SPATC1: variants seen among roughly 807,000 people sequenced by gnomAD.
SPATC1 encodes the protein speriolin.
Under a neutral mutation model 36.5 loss-of-function variants are expected in SPATC1, and 35 were observed. The observed-to-expected ratio is 0.96, with a 90% CI of 0.73 to 1.27. The LOEUF (loss-of-function observed/expected upper bound fraction) is 1.27, where lower values mean the gene tolerates loss of function less well. Among genes scored for constraint, SPATC1 ranks in the 50% most tolerant of loss-of-function variants. The probability of loss-of-function intolerance (pLI) is 0.00; values close to 1 mark genes in which losing one functional copy is unlikely to be tolerated. For synonymous variants in SPATC1, 361 were observed against 353.6 expected (o/e 1.02, Z -0.24); for missense variants, 779 against 796.0 (o/e 0.98, Z 0.26).
intron 1 of SPATC1, among the ~76,000 whole-genome samples, chr8:144,033,395 G>A (rs1336587102): frequency 0.053 from 7,957 of 150,304 alleles, 287 homozygotes; most frequent in Non-Finnish European, 0.078. Context: ...GCGAGACTCC[G>A]TCTCAAAAAA....
chr8:144,031,781 T>C (rs2133127438), intron 1 of SPATC1, among the ~76,000 whole-genome samples: 1 of 149,908 alleles, frequency 6.7e-6, no homozygotes, highest in Non-Finnish European at 1.5e-5. Context: ...TGTAGCGGCA[T>C]GATCTTGGCT....
Position 144,045,975 on chromosome 8 carries a change from AC to A in SPATC1, c.1447-651del, listed in dbSNP as rs1386815985. The stretch of plus-strand genomic sequence containing the variant: ...ACAGGGCATGAGGAAGTGAGTGGAA[AC>A]TGACCCAGATGTGCTGGTTCCCAGG... On this transcript the variant is annotated intron_variant, in intron 4 of 4. Coordinates refer to ENST00000377470, the MANE Select transcript of SPATC1 (RefSeq NM_198572.3). The surrounding 1 kb of genome is among the most constrained non-coding windows in gnomAD (Gnocchi z 5.2). Among the ~76,000 whole-genome samples, 1 of 152,100 alleles carries A rather than the reference AC, an allele frequency of 6.6e-6. No homozygotes were observed. Among genetic ancestry groups the A allele is most frequent in the Non-Finnish European group, 1.5e-5 (1 of 67,988 alleles).
At chr8:144,013,817 A>G (rs1564265111) in intron 1 of SPATC1, among the ~76,000 whole-genome samples, 2 of 152,102 alleles carry the variant, frequency 1.3e-5, no homozygotes, top group Admixed American at 6.5e-5. Context: ...TCTTCTGGAC[A>G]TGGTGGTTCA....
At chr8:144,044,718 G>A (rs1022385045) in intron 4 of SPATC1, among the ~76,000 whole-genome samples, 8 of 151,706 alleles carry the variant, frequency 5.3e-5, no homozygotes, top group Admixed American at 1.3e-4. Flanking sequence ...AGGCCGAGGC[G>A]GGCAGATCAC....
At position 144,046,736 on chromosome 8, in the gene SPATC1, G is replaced by T; in HGVS notation, c.1556G>T (p.Arg519Leu). Residue 519 changes from arginine (R) to leucine (L), a missense_variant, in exon 5 of 5, where the codon CGG becomes CTG. Coordinates refer to ENST00000377470, the MANE Select transcript of SPATC1 (RefSeq NM_198572.3). The surrounding 1 kb of genome is among the most constrained non-coding windows in gnomAD (Gnocchi z 6.6). ...NRLQSLGYNG[R>L]VHPALTEQLV... is the part of the protein sequence containing the mutation. ...CTGCAGAGTCTGGGCTACAACGGGC[G>T]GGTGCACCCTGCGCTGACCGAGCAG... The T allele has an allele frequency of 6.2e-7, 1 of 1,612,336 alleles. No individual in the cohort carries two copies. Among genetic ancestry groups the T allele is most frequent in the Non-Finnish European group, 8.5e-7 (1 of 1,179,990 alleles).
chr8:144,017,650 G>A (rs1003210652), intron 1 of SPATC1, among the ~76,000 whole-genome samples: 12 of 152,166 alleles, frequency 7.9e-5, no homozygotes, highest in African/African-American at 2.4e-5. Flanking sequence ...ACTAGTACAA[G>A]AATTTCAAAT....
In SPATC1 at chr8:144,040,598, C is replaced by T; in HGVS notation, c.797C>T (p.Thr266Ile). Residue 266 changes from threonine (T) to isoleucine (I), a missense_variant, in exon 3 of 5, where the codon ACC (threonine) becomes ATC (isoleucine). By Grantham distance (89) the Thr-to-Ile change is moderately conservative. Coordinates refer to ENST00000377470, the MANE Select transcript of SPATC1 (RefSeq NM_198572.3). The stretch of plus-strand genomic sequence containing the variant: ...CTCTCCACTGAGCCCCCCCAGTCGA[C>T]CCAGGACCCAGAGCCTCTCAGCATG... ...VPLSTEPPQS[T>I]QDPEPLSMAF... 2.5e-6 allele frequency: 4 copies of T among 1,606,886 alleles called. No individual in the cohort carries two copies. Among genetic ancestry groups the T allele is most frequent in the South Asian group, 1.1e-5 (1 of 90,034 alleles).
chr8:144,039,131 A>G (rs1308118205), intron 1 of SPATC1, among the ~76,000 whole-genome samples: 3 of 152,196 alleles, frequency 2.0e-5, no homozygotes, highest in Admixed American at 6.5e-5. Context: ...GAAGTTCTCA[A>G]TGAAATTGCA....
intron 1 of SPATC1, among the ~76,000 whole-genome samples, chr8:144,020,456 C>T (rs1834486452): frequency 6.9e-6 from 1 of 144,210 alleles, no homozygotes; most frequent in African/African-American, 2.6e-5. Flanking sequence ...GACCACCTTC[C>T]CGCAGGACAC....
At chr8:144,035,185 A>C (rs1392640420) in intron 1 of SPATC1, among the ~76,000 whole-genome samples, 1 of 152,104 alleles carries the variant, frequency 6.6e-6, no homozygotes, top group African/African-American at 2.4e-5. Flanking sequence ...CCTCCTCCCC[A>C]GGCCCGCCTG....
intron 1 of SPATC1, among the ~76,000 whole-genome samples, chr8:144,038,482 G>C (rs1554755175): frequency 6.7e-6 from 1 of 149,148 alleles, no homozygotes; most frequent in Non-Finnish European, 1.5e-5. Flanking sequence ...TTATTATTTT[G>C]AGATGGGGTC....
intron 1 of SPATC1, among the ~76,000 whole-genome samples, chr8:144,025,034 CAGGACCCTCTCCCCCT>C (rs1834648022): frequency 6.7e-6 from 1 of 149,356 alleles, no homozygotes; most frequent in Admixed American, 6.7e-5. Flanking sequence ...CATCTCACCT[CAGGACCCTCTCCCCCT>C]AGGACCATCT....
intron 1 of SPATC1, among the ~76,000 whole-genome samples, chr8:144,021,150 T>TC (rs1834518908): frequency 2.7e-4 from 2 of 7,344 alleles, no homozygotes; most frequent in African/African-American, 6.3e-4. Flanking sequence ...ACCCTCTTCC[T>TC]TCAGTATCCT....
chr8:144,017,087 T>C (rs1834409714), intron 1 of SPATC1, among the ~76,000 whole-genome samples: 1 of 152,160 alleles, frequency 6.6e-6, no homozygotes. Flanking sequence ...AGGTGGGAGA[T>C]GACAGCATAA....
chr8:144,042,803 C>T (rs1835151629), intron 4 of SPATC1, among the ~76,000 whole-genome samples: 1 of 151,966 alleles, frequency 6.6e-6, no homozygotes, highest in African/African-American at 2.4e-5. Flanking sequence ...GTGATAAATC[C>T]TGTTACAGGC....
At chr8:144,031,408 T>C (rs1193125069) in intron 1 of SPATC1, among the ~76,000 whole-genome samples, 2 of 151,848 alleles carry the variant, frequency 1.3e-5, no homozygotes, top group African/African-American at 4.8e-5. Context: ...CCCTTGTACA[T>C]GATGAGTCAC....
chr8:144,019,570 C>G (rs1335888782), intron 1 of SPATC1, among the ~76,000 whole-genome samples: 1 of 152,146 alleles, frequency 6.6e-6, no homozygotes, highest in African/African-American at 2.4e-5. Context: ...GGGCGTCCTG[C>G]TCCTGAGGGC....
At chr8:144,036,087 A>G (rs1243538479) in intron 1 of SPATC1, among the ~76,000 whole-genome samples, 1 of 152,120 alleles carries the variant, frequency 6.6e-6, no homozygotes, top group East Asian at 1.9e-4. Flanking sequence ...TCCTAAAACA[A>G]AACTTTCTAA....
Position 144,040,846 on chromosome 8 carries a change from T to C in SPATC1, c.1045T>C (p.Tyr349His). ...PALAPQVATSYTPSSTTHIAQ... is the reference protein window; with the variant it reads ...PALAPQVATSHTPSSTTHIAQ... ...CCTTGCCCCCCAGGTTGCCACCAGC[T>C]ACACACCCTCAAGCACCACCCACAT... Residue 349 changes from tyrosine (Y) to histidine (H), a missense_variant, in exon 3 of 5, where the codon TAC becomes CAC. Transcript: ENST00000377470. 1 of 1,352,194 alleles carries C rather than the reference T, an allele frequency of 7.4e-7. No homozygotes were observed. Among genetic ancestry groups the C allele is most frequent in the Non-Finnish European group, 9.7e-7 (1 of 1,028,914 alleles). The allele number at this position is 1,352,194 out of a possible 1,614,324, so 83.8% of individuals were successfully genotyped here. A position where few individuals can be genotyped will look rare whatever the true frequency, so the allele number is the denominator to read the frequency against.
Sources: gnomAD v4.1 joint callset for allele counts (sites outside exome capture counted in the v4.1 genomes callset) on GRCh38, gnomAD v4.1.1 for gene constraint, Gnocchi (gnomAD v3.1) non-coding constraint, MANE v1.5 for transcripts, NCBI Gene and HGNC (gene_info 2026-07-23, HGNC 2026-07-21) for gene names.